Variants in LIPC observed in about 807,000 individuals in gnomAD.
LIPC encodes the protein hepatic triacylglycerol lipase.
A neutral mutation model predicts 50.7 loss-of-function variants in LIPC; 44 were observed. The ratio of observed to expected loss-of-function variants is 0.87; its 90% CI spans 0.68 to 1.11. The LOEUF is 1.11. Among genes scored for constraint, LIPC ranks in the 50% most tolerant of loss-of-function variants. The pLI, the probability that LIPC is intolerant of heterozygous loss-of-function variation, is 0.00. For missense variants in LIPC, 697 were observed against 648.2 expected, an observed-to-expected ratio of 1.08 and a Z score of -0.82; for synonymous variants, 271 against 256.4, an observed-to-expected ratio of 1.06 and a Z score of -0.54.
At chr15:58,442,465 G>A (rs1893539997) in intron 1 of LIPC, among the ~76,000 whole-genome samples, 1 of 152,158 alleles carries the variant, frequency 6.6e-6, no homozygotes, top group South Asian at 2.1e-4. Flanking sequence ...TTTATTCAGG[G>A]CCTGACATGC....
intron 1 of LIPC, among the ~76,000 whole-genome samples, chr15:58,503,370 G>A (rs1288820388): frequency 6.6e-6 from 1 of 152,146 alleles, no homozygotes; most frequent in Non-Finnish European, 1.5e-5. Flanking sequence ...AGAGTCCAAG[G>A]TAGGACACTA....
At chr15:58,488,054 C>T (rs559511116) in intron 1 of LIPC, among the ~76,000 whole-genome samples, 1 of 152,194 alleles carries the variant, frequency 6.6e-6, no homozygotes, top group Non-Finnish European at 1.5e-5. Flanking sequence ...GTGGATCCCT[C>T]GAGGTCAGGA....
In LIPC at chr15:58,437,078, C is replaced by A. The variant is rs143873291; in HGVS notation, c.88+4958C>A. Among the ~76,000 whole-genome samples, 27 of 152,310 alleles carry A rather than the reference C, an allele frequency of 1.8e-4. No individual in the cohort carries two copies. The East Asian group carries it at 4.8e-3, about 27-fold the overall frequency. ...GAACAGGCATGGTTTTGAATACCTA[C>A]TACTAGAAGTCACAGAAACTTTTGG... is the stretch of plus-strand genomic sequence containing the variant. On this transcript the variant is annotated intron_variant, in intron 1 of 8. Coordinates refer to ENST00000299022, the MANE Select transcript of LIPC (RefSeq NM_000236.3).
intron 1 of LIPC, among the ~76,000 whole-genome samples, chr15:58,528,655 C>T (rs1892861113): frequency 6.6e-6 from 1 of 152,200 alleles, no homozygotes; most frequent in South Asian, 2.1e-4. Flanking sequence ...CAGGCACGCA[C>T]CACCATACCC....
intron 1 of LIPC, among the ~76,000 whole-genome samples, chr15:58,507,294 AGAAG>A (rs1392221726): frequency 6.6e-6 from 1 of 152,208 alleles, no homozygotes; most frequent in Middle Eastern, 3.2e-3. Context: ...CTCTAAAAAA[AGAAG>A]GAAAGAAGGA....
chr15:58,500,333 T>C (rs1021250480), intron 1 of LIPC, among the ~76,000 whole-genome samples: 1 of 152,136 alleles, frequency 6.6e-6, no homozygotes, highest in Admixed American at 6.5e-5. Context: ...GCCCAACAGA[T>C]GGTGGTGATG....
At chr15:58,559,922 G>A in intron 6 of LIPC, among the ~76,000 whole-genome samples, 1 of 151,210 alleles carries the variant, frequency 6.6e-6, no homozygotes, top group Non-Finnish European at 1.5e-5. Context: ...ACCATCTAGG[G>A]TGAGGGAAGC....
At chr15:58,457,202 C>T (rs1029803259) in intron 1 of LIPC, among the ~76,000 whole-genome samples, 7 of 152,196 alleles carry the variant, frequency 4.6e-5, no homozygotes, top group African/African-American at 1.7e-4. Flanking sequence ...CTCCACCTCC[C>T]GGGTTCAAGC....
chr15:58,497,123 T>G (rs1307200159), intron 1 of LIPC, among the ~76,000 whole-genome samples: 1 of 152,192 alleles, frequency 6.6e-6, no homozygotes, highest in Non-Finnish European at 1.5e-5. Context: ...GAGGAAGACA[T>G]AATAGGCAGC....
At chr15:58,468,566 T>G (rs576439563) in intron 1 of LIPC, among the ~76,000 whole-genome samples, 1 of 152,338 alleles carries the variant, frequency 6.6e-6, no homozygotes, top group East Asian at 1.9e-4. Context: ...AATCTCAATG[T>G]GATTCCTAAC....
At chr15:58,524,551 G>T (rs1479618263) in intron 1 of LIPC, among the ~76,000 whole-genome samples, 1 of 152,238 alleles carries the variant, frequency 6.6e-6, no homozygotes. Context: ...TTGCATTCCT[G>T]CCAGTGTCTC....
intron 1 of LIPC, among the ~76,000 whole-genome samples, chr15:58,487,709 T>TA (rs763834824): frequency 1.6e-4 from 24 of 152,340 alleles, no homozygotes; most frequent in Non-Finnish European, 2.8e-4. Flanking sequence ...TTAGCAAGTT[T>TA]AAAAGGATTT....
At chr15:58,543,761 C>T (rs148894762) in intron 4 of LIPC, among the ~76,000 whole-genome samples, 272 of 152,134 alleles carry the variant, frequency 1.8e-3, no homozygotes, top group African/African-American at 6.2e-3. Context: ...CTTAGCCTCC[C>T]GAGTAGCTAA....
chr15:58,506,715 C>A (rs1892160799), intron 1 of LIPC, among the ~76,000 whole-genome samples: 1 of 152,218 alleles, frequency 6.6e-6, no homozygotes, highest in Non-Finnish European at 1.5e-5. Context: ...GCTGTGTTCC[C>A]AACTCCTAAG....
chr15:58,433,703 T>A (rs1893197209), intron 1 of LIPC, among the ~76,000 whole-genome samples: 1 of 152,224 alleles, frequency 6.6e-6, no homozygotes, highest in Non-Finnish European at 1.5e-5. Context: ...TCCCCCAGGC[T>A]TCTGGGTATT....
chr15:58,555,983 C>T (rs779206700), intron 6 of LIPC, among the ~76,000 whole-genome samples: 4 of 152,160 alleles, frequency 2.6e-5, no homozygotes, highest in Non-Finnish European at 5.9e-5. Flanking sequence ...CAGATGCAGC[C>T]TAAGGGATCC....
At chr15:58,567,743 G>T (rs1894439490) in intron 8 of LIPC, among the ~76,000 whole-genome samples, 1 of 4,364 alleles carries the variant, frequency 2.3e-4, no homozygotes, top group African/African-American at 2.5e-4. Context: ...ACCATTTTCT[G>T]GTAACAGGAA....
chr15:58,544,109 C>T (rs11852861), intron 4 of LIPC, among the ~76,000 whole-genome samples: 46,531 of 152,096 alleles, frequency 0.31, 8,644 homozygotes, highest in Middle Eastern at 0.5. Flanking sequence ...GGTCACAGAC[C>T]GGCGTGTGGC....
At chr15:58,454,259 A>G (rs1369208513) in intron 1 of LIPC, 1 of 152,236 alleles carries the variant, frequency 6.6e-6, no homozygotes, top group African/African-American at 2.4e-5. Flanking sequence ...GGCAGGGGAG[A>G]GTTTGGGGCA....
Sources: allele counts gnomAD v4.1 joint callset (sites outside exome capture counted in the v4.1 genomes callset), GRCh38; gene constraint gnomAD v4.1.1; transcripts MANE v1.5; gene names NCBI Gene and HGNC (gene_info 2026-07-23, HGNC 2026-07-21).